The following CEP152 variants were observed in gnomAD, a reference collection of about 807,000 sequenced individuals.
CEP152 encodes the protein centrosomal protein of 152 kDa.
In CEP152, 132 loss-of-function variants were observed where a neutral mutation model predicts 188.9. The observed-to-expected ratio is 0.70, with a 90% CI of 0.61 to 0.81. CEP152 has a LOEUF of 0.81. Ranked by LOEUF, CEP152 falls within the 30% of genes least tolerant of loss-of-function variation. The probability of loss-of-function intolerance (pLI) is 0.00; values close to 1 mark genes in which losing one functional copy is unlikely to be tolerated. For synonymous variants in CEP152, 649 were observed against 666.6 expected, an observed-to-expected ratio of 0.97 and a Z score of 0.41; for missense variants, 1,914 against 1,969.8, an observed-to-expected ratio of 0.97 and a Z score of 0.54.
Position 48,768,240 on chromosome 15 carries a change from T to C in CEP152, c.1997A>G (p.Asp666Gly), listed in dbSNP as rs2140760284. Residue 666 changes from aspartate (D) to glycine (G), a missense_variant, in exon 15 of 27, where the codon GAC becomes GGC. By Grantham distance (94) the Asp-to-Gly change is moderately conservative (BLOSUM62 -1). Coordinates refer to ENST00000380950, the MANE Select transcript of CEP152 (RefSeq NM_001194998.2). ...TTACCTATCCACAGCTTCTTGTTTG[T>C]CATGGTCAAAATCTTGTACCATTTG... ...MRQMVQDFDHDKQEAVDRCER... is the reference protein window; with the variant it reads ...MRQMVQDFDHGKQEAVDRCER... The C allele has an allele frequency of 6.2e-7, 1 of 1,609,590 alleles. No homozygotes were observed. The highest frequency in any genetic ancestry group is 8.5e-7 in the Non-Finnish European group (1 of 1,175,868).
chr15:48,782,715 C>A (rs1430933230), intron 10 of CEP152, among the ~76,000 whole-genome samples: 2 of 152,138 alleles, frequency 1.3e-5, no homozygotes, highest in Non-Finnish European at 2.9e-5. Flanking sequence ...ACTTTAGAAA[C>A]CTAATATTTT....
In CEP152 at chr15:48,805,636, A is replaced by G. The variant is rs1380569944; in HGVS notation, c.14T>C (p.Phe5Ser). Residue 5 changes from phenylalanine to serine, a missense_variant, in exon 2 of 27, where the codon TTT (phenylalanine) becomes TCT (serine). Transcript: ENST00000380950. ...TTGCACTGGTAGTGCCACACTGCCA[A>G]AGTCTAATGACATGGTCCTCCTGTG... The part of the protein sequence containing the change: MSLD[F>S]GSVALPVQNE... 3.1e-6 allele frequency: 5 copies of G among 1,613,368 alleles called. No individual in the cohort carries two copies. Among genetic ancestry groups the G allele is most frequent in the Admixed American group, 1.7e-5 (1 of 59,964 alleles).
chr15:48,767,186 C>T lies in CEP152; in HGVS notation c.2154G>A (p.Glu718=), dbSNP rs575535578. 87 of 1,613,878 alleles carry T rather than the reference C, an allele frequency of 5.4e-5. No homozygotes were observed. Among genetic ancestry groups the T allele is most frequent in the Non-Finnish European group, 7.1e-5 (84 of 1,180,018 alleles). The change falls in exon 17 of 27, where the codon GAG becomes GAA. Residue 718 remains glutamate, a synonymous_variant. Transcript: ENST00000380950. ...TCACCTCCTTATTCAACTTATCCAA[C>T]TCAGACCTTGGATACACAAAACCAG... ...YERTHLQLRS[E]LDKLNKEVTA...
At chr15:48,745,563 T>C (rs1268639168) in intron 22 of CEP152, among the ~76,000 whole-genome samples, 1 of 152,130 alleles carries the variant, frequency 6.6e-6, no homozygotes, top group Non-Finnish European at 1.5e-5. Context: ...TCATTAGTTC[T>C]TACAGGTTTT....
downstream of CEP152, among the ~76,000 whole-genome samples, chr15:48,734,625 T>C (rs557413429): frequency 6.7e-6 from 1 of 149,406 alleles, no homozygotes; most frequent in Admixed American, 6.7e-5. Flanking sequence ...TATACTGTCT[T>C]CCAGAGACTC....
intron 21 of CEP152, among the ~76,000 whole-genome samples, chr15:48,749,385 A>G (rs537122950): frequency 5.3e-5 from 8 of 152,220 alleles, no homozygotes; most frequent in African/African-American, 9.6e-5. Context: ...GTTGCCAAAT[A>G]TAAGAGAAGG....
chr15:48,808,508 T>C (rs962886448), intron 1 of CEP152, among the ~76,000 whole-genome samples: 6 of 152,050 alleles, frequency 3.9e-5, no homozygotes, highest in African/African-American at 1.4e-4. Context: ...CAATATAAAA[T>C]TGGGCGACTG....
Position 48,738,894 on chromosome 15 carries a change from G to A in CEP152, c.4488C>T (p.Tyr1496=). 6.2e-7 allele frequency: 1 copy of A among 1,614,200 alleles called. No homozygotes were observed. The highest frequency in any genetic ancestry group is 8.5e-7 in the Non-Finnish European group (1 of 1,180,026). The change falls in exon 27 of 27, where the codon TAC becomes TAT. Residue 1496 remains tyrosine (Y), a synonymous_variant. Coordinates refer to ENST00000380950, the MANE Select transcript of CEP152 (RefSeq NM_001194998.2). The part of the protein sequence containing the change: ...GSESLPHSAA[Y]PFLGTLGNKP... Reference sequence around the variant, plus strand: ...TATTTCCTAAGGTTCCAAGAAAGGGGTATGCAGCTGAATGCGGAAGTGATT... The same window carrying A: ...TATTTCCTAAGGTTCCAAGAAAGGGATATGCAGCTGAATGCGGAAGTGATT...
chr15:48,801,097 G>GA (rs1014249842), intron 2 of CEP152, among the ~76,000 whole-genome samples: 6 of 152,182 alleles, frequency 3.9e-5, no homozygotes, highest in Non-Finnish European at 8.8e-5. Context: ...TCTCCCAAGA[G>GA]AAAGGGTAGC....
At chr15:48,799,454 T>G (rs190544128) in intron 2 of CEP152, among the ~76,000 whole-genome samples, 2 of 152,308 alleles carry the variant, frequency 1.3e-5, no homozygotes, top group African/African-American at 4.8e-5. Flanking sequence ...TCTATATTTA[T>G]TTCTCATATT....
intron 12 of CEP152, among the ~76,000 whole-genome samples, chr15:48,778,102 G>C (rs1395190434): frequency 6.6e-6 from 1 of 152,230 alleles, no homozygotes. Flanking sequence ...ACTATAATAA[G>C]GGAGAGAGGA....
At chr15:48,758,221 ACT>A (rs1894416013) in intron 19 of CEP152, among the ~76,000 whole-genome samples, 1 of 152,222 alleles carries the variant, frequency 6.6e-6, no homozygotes, top group Non-Finnish European at 1.5e-5. Flanking sequence ...CTGTCTTCAC[ACT>A]GTCACAGATC....
intron 17 of CEP152, 23 bp from the exon 18 acceptor site, chr15:48,762,695 A>T (rs779083270): frequency 3.7e-6 from 6 of 1,610,218 alleles, no homozygotes; most frequent in Admixed American, 1.7e-5. Flanking sequence ...GAAAAATCAT[A>T]CGAGAAGAAC....
At chr15:48,800,313 C>T (rs1897595194) in intron 2 of CEP152, among the ~76,000 whole-genome samples, 1 of 152,156 alleles carries the variant, frequency 6.6e-6, no homozygotes, top group Non-Finnish European at 1.5e-5. Flanking sequence ...AGTTCTTTGG[C>T]ATAGCTGGGT....
intron 17 of CEP152, chr15:48,765,625 T>C (rs762258919): frequency 9.6e-6 from 4 of 417,730 alleles, no homozygotes; most frequent in South Asian, 1.8e-5. Context: ...ATTCCTCTTA[T>C]GTTCTTGCCA....
At chr15:48,792,864 T>C (rs1017452498) in intron 7 of CEP152, among the ~76,000 whole-genome samples, 2 of 151,566 alleles carry the variant, frequency 1.3e-5, no homozygotes, top group Non-Finnish European at 2.9e-5. Flanking sequence ...TCACCCAGCC[T>C]GAAGTGCAAT....
intron 2 of CEP152, among the ~76,000 whole-genome samples, chr15:48,732,507 T>C (rs906206944): frequency 2.6e-5 from 4 of 151,704 alleles, no homozygotes; most frequent in South Asian, 4.2e-4. Flanking sequence ...TGGGAACACA[T>C]GGACACAGAG....
chr15:48,805,343 GTAT>G (rs908057038), intron 2 of CEP152, among the ~76,000 whole-genome samples: 6 of 152,068 alleles, frequency 3.9e-5, no homozygotes, highest in African/African-American at 4.8e-5. Context: ...TTATCTGATG[GTAT>G]TATTCACAGT....
At chr15:48,783,222 C>T (rs1334912218) in intron 10 of CEP152, 1 of 152,138 alleles carries the variant, frequency 6.6e-6, no homozygotes, top group Non-Finnish European at 1.5e-5. Context: ...GTTCTTTGCT[C>T]TAATATCATT....
Sources: allele counts gnomAD v4.1 joint callset (sites outside exome capture counted in the v4.1 genomes callset), GRCh38; gene constraint gnomAD v4.1.1; transcripts MANE v1.5; gene names NCBI Gene and HGNC (gene_info 2026-07-23, HGNC 2026-07-21).